Variants in VAMP4 observed in about 807,000 individuals in gnomAD.
VAMP4 encodes vesicle associated membrane protein 4.
A neutral mutation model predicts 23.5 loss-of-function variants in VAMP4; 19 were observed. That is an observed-to-expected ratio of 0.81 (90% CI 0.56 to 1.19). VAMP4 has a LOEUF of 1.19. Ranked by LOEUF, VAMP4 falls within the 50% of genes most tolerant of loss-of-function variation. The pLI is 0.00. For synonymous variants in VAMP4, 31 were observed against 51.0 expected (o/e 0.61, Z 1.67); for missense variants, 145 against 168.6 (o/e 0.86, Z 0.78).
chr1:171,717,575 C>A (rs1402368118), intron 4 of VAMP4, among the ~76,000 whole-genome samples: 1 of 152,014 alleles, frequency 6.6e-6, no homozygotes, highest in Non-Finnish European at 1.5e-5. Context: ...AGCTCCTTTG[C>A]AATAGAGTAT....
Position 171,703,423 on chromosome 1 carries a change from GTGTATATATATATATATATATATATA to G in VAMP4, c.*1057_*1082del, listed in dbSNP as rs1654527552. 1.2e-5 allele frequency: 1 copy of G among 81,946 alleles called. No individual in the cohort carries two copies. Among genetic ancestry groups the G allele is most frequent in the African/African-American group, 4.8e-5 (1 of 20,654 alleles). The allele number at this position is 81,946 out of a possible 1,614,324, so 5.1% of individuals were successfully genotyped here. On this transcript the variant is annotated 3_prime_UTR_variant, in exon 8 of 8. Transcript: ENST00000236192. Reference sequence around the variant, plus strand: ...TGTGTGTGTGTGTGTGTGTGTTTGTGTGTATATATATATATATATATATATATATATATATATATATATATACACAT... The same window carrying G: ...TGTGTGTGTGTGTGTGTGTGTTTGTGTATATATATATATATATATACACAT...
At chr1:171,714,798 T>C (rs1315152891) in intron 4 of VAMP4, among the ~76,000 whole-genome samples, 1 of 152,128 alleles carries the variant, frequency 6.6e-6, no homozygotes, top group Non-Finnish European at 1.5e-5. Context: ...TATTATGCTA[T>C]TCATCAAGGT....
intron 1 of VAMP4, among the ~76,000 whole-genome samples, chr1:171,740,308 A>G (rs938387272): frequency 6.6e-6 from 1 of 152,222 alleles, no homozygotes; most frequent in African/African-American, 2.4e-5. Flanking sequence ...TTCCTTTTCC[A>G]TAAGAAGAAA....
Position 171,700,323 on chromosome 1 carries a change from T to C in VAMP4, c.*4183A>G, listed in dbSNP as rs1654386528. On this transcript the variant is annotated 3_prime_UTR_variant, in exon 8 of 8. Coordinates refer to ENST00000236192, the MANE Select transcript of VAMP4 (RefSeq NM_003762.5). ...GGCACATGACATTTACATTTGCTCATCTCCCACTATACATTTCAAAACATC... is the reference window on the plus strand; with the variant it reads ...GGCACATGACATTTACATTTGCTCACCTCCCACTATACATTTCAAAACATC... The C allele has an allele frequency of 6.6e-6, 1 of 152,116 alleles. No individual in the cohort carries two copies. Among genetic ancestry groups the C allele is most frequent in the African/African-American group, 2.4e-5 (1 of 41,426 alleles). 9.4% of individuals were successfully genotyped at this position (152,116 alleles called of 1,614,324 possible). A position where few individuals can be genotyped will look rare whatever the true frequency, so the allele number is the denominator to read the frequency against.
At chr1:171,735,048 A>T (rs1403438178) in intron 2 of VAMP4, among the ~76,000 whole-genome samples, 1 of 152,224 alleles carries the variant, frequency 6.6e-6, no homozygotes, top group Non-Finnish European at 1.5e-5. Context: ...TACAAATAAT[A>T]ATTTTGTCAC....
intron 4 of VAMP4, among the ~76,000 whole-genome samples, chr1:171,718,274 CAA>C (rs1655081212): frequency 6.6e-6 from 1 of 152,148 alleles, no homozygotes; most frequent in Admixed American, 6.6e-5. Flanking sequence ...AGTATCTCAC[CAA>C]TAACTAGATA....
At position 171,714,552 on chromosome 1, in the gene VAMP4, G is replaced by A. The variant is rs1280248303; in HGVS notation, c.165-3738C>T. 7.2e-5 allele frequency among the ~76,000 whole-genome samples: 11 copies of A among 152,224 alleles called. No individual in the cohort carries two copies. In the East Asian group the frequency reaches 1.4e-3, roughly 19 times the overall value. ...TTTGGGAGGCTGAGGCAGGAGGATC[G>A]CTTGAGCCCAGGAGTTTGAGACCAG... is the stretch of plus-strand genomic sequence containing the variant. On this transcript the variant is annotated intron_variant, in intron 4 of 7. Coordinates refer to ENST00000236192, the MANE Select transcript of VAMP4 (RefSeq NM_003762.5).
At chr1:171,710,907 T>C in intron 4 of VAMP4, 93 bp from the exon 5 acceptor site, 1 of 866,906 alleles carries the variant, frequency 1.2e-6, no homozygotes, top group Non-Finnish European at 1.7e-6. Flanking sequence ...GAATAGCAAA[T>C]TCTCAGAGAA....
chr1:171,739,561 A>G (rs1462905246), intron 1 of VAMP4, among the ~76,000 whole-genome samples: 1 of 152,254 alleles, frequency 6.6e-6, no homozygotes, highest in Admixed American at 6.5e-5. Flanking sequence ...TTGGAAACAC[A>G]GGTAAAACAA....
At chr1:171,724,784 A>G (rs1177500581) in intron 3 of VAMP4, among the ~76,000 whole-genome samples, 2 of 152,176 alleles carry the variant, frequency 1.3e-5, no homozygotes, top group Non-Finnish European at 2.9e-5. Context: ...AGGCAGTGCA[A>G]AGTTGAAGGA....
chr1:171,731,455 G>T (rs1313867985), intron 2 of VAMP4, among the ~76,000 whole-genome samples: 1 of 150,964 alleles, frequency 6.6e-6, no homozygotes, highest in East Asian at 1.9e-4. Flanking sequence ...CAAATGCTAT[G>T]CAGAGAATTA....
intron 1 of VAMP4, 42 bp from the exon 2 acceptor site, chr1:171,738,505 G>A: frequency 7.6e-7 from 1 of 1,314,238 alleles, no homozygotes; most frequent in East Asian, 2.3e-5. Context: ...AGACTTTGGG[G>A]CATAAGCTAA....
intron 3 of VAMP4, 81 bp from the exon 4 acceptor site, chr1:171,719,302 A>G: frequency 8.4e-7 from 1 of 1,191,834 alleles, no homozygotes; most frequent in Non-Finnish European, 1.2e-6. Context: ...AGTATACACA[A>G]ATACAAACAA....
At chr1:171,708,981 A>G (rs984094811) in intron 6 of VAMP4, among the ~76,000 whole-genome samples, 3 of 151,852 alleles carry the variant, frequency 2.0e-5, no homozygotes, top group Non-Finnish European at 1.5e-5. Flanking sequence ...GCCAAAAATT[A>G]TAACTAGAAT....
intron 2 of VAMP4, among the ~76,000 whole-genome samples, chr1:171,732,655 G>A (rs1655602052): frequency 6.6e-6 from 1 of 152,152 alleles, no homozygotes; most frequent in East Asian, 1.9e-4. Flanking sequence ...GTCAAAATCT[G>A]AAGAGTATGG....
intron 7 of VAMP4, among the ~76,000 whole-genome samples, chr1:171,705,208 T>G (rs1654612227): frequency 6.6e-6 from 1 of 152,134 alleles, no homozygotes; most frequent in African/African-American, 2.4e-5. Flanking sequence ...CTTTATTTAA[T>G]ATGTATTATT....
chr1:171,708,876 G>GAAA (rs75439179), intron 6 of VAMP4, among the ~76,000 whole-genome samples: 8 of 84,212 alleles, frequency 9.5e-5, no homozygotes, highest in African/African-American at 1.6e-4. Context: ...CTATCTCAAA[G>GAAA]AAAAAAAAAA....
intron 4 of VAMP4, among the ~76,000 whole-genome samples, chr1:171,713,995 C>T (rs1415316096): frequency 2.0e-5 from 3 of 152,000 alleles, no homozygotes; most frequent in East Asian, 1.9e-4. Context: ...TAATGGAAAC[C>T]GCAAATATTT....
chr1:171,730,688 A>C (rs1346306159), intron 2 of VAMP4, among the ~76,000 whole-genome samples: 2 of 140,660 alleles, frequency 1.4e-5, no homozygotes, highest in East Asian at 4.8e-4. Context: ...GAGAGAGGGA[A>C]GGAGGGGGAA....
Sources: allele counts gnomAD v4.1 joint callset (sites outside exome capture counted in the v4.1 genomes callset), GRCh38; gene constraint gnomAD v4.1.1; transcripts MANE v1.5; gene names NCBI Gene and HGNC (gene_info 2026-07-23, HGNC 2026-07-21).